The following ABCA8 variants were observed in gnomAD, a reference collection of about 807,000 sequenced individuals.
ABCA8 encodes the protein ABC-type organic anion transporter ABCA8.
ABCA8 carries 177 observed loss-of-function variants against 192.3 expected under a neutral mutation model. That is an observed-to-expected ratio of 0.92 (90% CI 0.81 to 1.04). The LOEUF (loss-of-function observed/expected upper bound fraction) is 1.04, where lower values mean the gene tolerates loss of function less well. Among genes scored for constraint, ABCA8 ranks in the 50% least tolerant of loss-of-function variants. The pLI is 0.00. For missense variants in ABCA8, 1,915 were observed against 1,904.8 expected (o/e 1.01, Z -0.10); for synonymous variants, 642 against 690.2 (o/e 0.93, Z 1.09).
intron 24 of ABCA8, 24 bp from the exon 25 acceptor site, chr17:68,887,530 C>T (rs374946614): frequency 7.0e-6 from 11 of 1,567,694 alleles, no homozygotes; most frequent in South Asian, 3.7e-5. Flanking sequence ...AGCAAAGATA[C>T]AAAGTTTGTG....
At position 68,895,010 on chromosome 17, in the gene ABCA8, G is replaced by T. The variant is rs1189668892; in HGVS notation, c.2768C>A (p.Ala923Glu). The part of the protein sequence containing the change: ...TQLLIINKTG[A>E]SIDDFIQSVE... ...AGACTGTATAAAGTCATCAATGCTT[G>T]CCCCTAAGGTGTAGTTAAAGATATT... The change falls in exon 22 of 40, where the codon GCA becomes GAA. Residue 923 changes from alanine (A) to glutamate (E), a missense_variant. Physicochemically the swap from Ala to Glu is moderately radical, Grantham distance 107. Coordinates refer to ENST00000586539, the MANE Select transcript of ABCA8 (RefSeq NM_001288985.2). The T allele has an allele frequency of 6.3e-7, 1 of 1,598,676 alleles. No homozygotes were observed. Among genetic ancestry groups the T allele is most frequent in the South Asian group, 1.1e-5 (1 of 87,096 alleles).
intron 13 of ABCA8, among the ~76,000 whole-genome samples, chr17:68,920,948 G>C (rs953820961): frequency 1.3e-5 from 2 of 152,092 alleles, no homozygotes; most frequent in Admixed American, 6.6e-5. Flanking sequence ...TTGGAACCAA[G>C]CCAAATGTCC....
At chr17:68,888,466 T>C (rs2066546348) in intron 24 of ABCA8, among the ~76,000 whole-genome samples, 1 of 152,150 alleles carries the variant, frequency 6.6e-6, no homozygotes, top group Admixed American at 6.6e-5. Flanking sequence ...ACCTAAAGAT[T>C]CATATCAGAG....
intron 2 of ABCA8, among the ~76,000 whole-genome samples, chr17:68,947,882 C>T (rs942905714): frequency 6.6e-6 from 1 of 152,052 alleles, no homozygotes; most frequent in Non-Finnish European, 1.5e-5. Context: ...TGTTCTAATG[C>T]CCTTCATCCC....
In ABCA8 at chr17:68,924,364, A is replaced by T. The variant is rs114636820; in HGVS notation, c.1442+337T>A. Among the ~76,000 whole-genome samples the T allele has an allele frequency of 6.0e-3, 898 of 149,672 alleles. 10 individuals carry two copies. The highest frequency in any genetic ancestry group is 0.021 in the African/African-American group (859 of 40,840). The stretch of plus-strand genomic sequence containing the variant: ...TCCGTCAAAAAAAAAAAAAAGGGAG[A>T]TAGATGAGGTGGGGACAAAGAGTGA... On this transcript the variant is annotated intron_variant, in intron 11 of 39. Coordinates refer to ENST00000586539, the MANE Select transcript of ABCA8 (RefSeq NM_001288985.2).
chr17:68,919,280 A>C, intron 14 of ABCA8, 21 bp downstream of exon 14: 1 of 1,578,896 alleles, frequency 6.3e-7, no homozygotes, highest in Non-Finnish European at 8.6e-7. Context: ...CCAACACATT[A>C]ACTTTAACAT....
At position 68,921,476 on chromosome 17, in the gene ABCA8, AATGTCAAATACCAG is replaced by A. The variant is rs1173356495; in HGVS notation, c.1504_1517del (p.Val503ArgfsTer23). The A allele has an allele frequency of 6.2e-7, 1 of 1,602,838 alleles. No homozygotes were observed. Among genetic ancestry groups the A allele is most frequent in the Non-Finnish European group, 8.5e-7 (1 of 1,172,736 alleles). On this transcript the variant is annotated frameshift_variant and splice_region_variant, in exon 13 of 40. Transcript: ENST00000586539. LOFTEE classifies it high-confidence loss of function. ...GTATTGCAGTGATTTGGCCTTCGTA[AATGTCAAATACCAG>A]ATCTAGGAAGAAAAAAAGAAAGGAA...
chr17:68,951,613 C>G (rs374362768), intron 1 of ABCA8, among the ~76,000 whole-genome samples: 10 of 152,268 alleles, frequency 6.6e-5, no homozygotes, highest in African/African-American at 1.9e-4. Context: ...TATTATATCT[C>G]TGTTAGTTTT....
intron 17 of ABCA8, among the ~76,000 whole-genome samples, chr17:68,913,966 G>A (rs2067286238): frequency 6.6e-6 from 1 of 152,028 alleles, no homozygotes. Flanking sequence ...CTTGGTCATG[G>A]TTGGATTTAT....
intron 35 of ABCA8, 35 bp downstream of exon 35, chr17:68,876,425 T>C (rs750102099): frequency 2.0e-5 from 32 of 1,613,502 alleles, no homozygotes; most frequent in Non-Finnish European, 2.6e-5. Flanking sequence ...ATGCAAGTCA[T>C]CCGTGCTGTC....
In ABCA8 at chr17:68,894,213, G is replaced by C. The variant is rs1386328078; in HGVS notation, c.2996C>G (p.Pro999Arg). ...TCTTTCAGTTCGGATATGTACTGAT[G>C]GTTTAACCATTCCAAGTAGCCCATT... is the stretch of plus-strand genomic sequence containing the variant. ...VSNGLLGMVK[P>R]SVHIRTERST... The change falls in exon 23 of 40, where the codon CCA (proline) becomes CGA (arginine). Residue 999 changes from proline to arginine, a missense_variant. Physicochemically the swap from Pro to Arg is moderately radical, Grantham distance 103 (BLOSUM62 -2). Transcript: ENST00000586539. The C allele has an allele frequency of 6.2e-7, 1 of 1,613,218 alleles. No individual in the cohort carries two copies. The highest frequency in any genetic ancestry group is 8.5e-7 in the Non-Finnish European group (1 of 1,179,650).
chr17:68,896,516 T>C (rs2066762844), intron 21 of ABCA8, among the ~76,000 whole-genome samples: 1 of 152,198 alleles, frequency 6.6e-6, no homozygotes, highest in African/African-American at 2.4e-5. Context: ...GGATGAAATC[T>C]CGTATCGTCC....
Position 68,868,369 on chromosome 17 carries a change from G to T in ABCA8, c.4712-13C>A. 6.2e-7 allele frequency: 1 copy of T among 1,606,978 alleles called. No individual in the cohort carries two copies. Among genetic ancestry groups the T allele is most frequent in the South Asian group, 1.1e-5 (1 of 90,894 alleles). ...AAGCTCTGTTTAACTGCATAGGGAT[G>T]AACATGTATTAGTTCATATATTTCA... is the stretch of plus-strand genomic sequence containing the variant. On this transcript the variant is annotated splice_polypyrimidine_tract_variant and intron_variant, in intron 38 of 39. Transcript: ENST00000586539.
chr17:68,924,689 C>T lies in ABCA8; in HGVS notation c.1442+12G>A, dbSNP rs1386019046. 11 of 1,608,882 alleles carry T rather than the reference C, an allele frequency of 6.8e-6. No individual in the cohort carries two copies. Among genetic ancestry groups the T allele is most frequent in the Admixed American group, 6.8e-5 (4 of 58,852 alleles). ...GCCTTTTTGCCCTGTTCTCCACCTG[C>T]AGCCTTATTACCTGATGGCTTCTTT... On this transcript the variant is annotated intron_variant, in intron 11 of 39. Transcript: ENST00000586539.
rs145031935 is a variant in ABCA8 at position 68,893,138 on chromosome 17, C to T, written c.3036+1035G>A. On this transcript the variant is annotated intron_variant, in intron 23 of 39. Coordinates refer to ENST00000586539, the MANE Select transcript of ABCA8 (RefSeq NM_001288985.2). ...TAGATAAGTTGATGAGCCTAACACT[C>T]ACTTATGTATTTAACAATTAAGTTG... is the stretch of plus-strand genomic sequence containing the variant. Among the ~76,000 whole-genome samples, 3 of 152,268 alleles carry T rather than the reference C, an allele frequency of 2.0e-5. No homozygotes were observed. In the East Asian group the frequency reaches 5.8e-4, roughly 29 times the overall value.
chr17:68,938,800 G>A (rs1223136290), intron 4 of ABCA8, among the ~76,000 whole-genome samples: 3 of 152,132 alleles, frequency 2.0e-5, no homozygotes. Flanking sequence ...TAGTCTGACT[G>A]TTCCTGTACT....
At chr17:68,875,506 AC>A (rs751687880) in intron 36 of ABCA8, 106 bp from the exon 37 acceptor site, 526 of 1,590,160 alleles carry the variant, frequency 3.3e-4, no homozygotes, top group Non-Finnish European at 4.3e-4. Flanking sequence ...CTATTGTTAG[AC>A]CTGGGCACAG....
intron 5 of ABCA8, among the ~76,000 whole-genome samples, chr17:68,935,262 T>TTGTGTGTGTGTGTGTGTGTGTGTGTG (rs71144641): frequency 0.01 from 1,380 of 135,962 alleles, 31 homozygotes; most frequent in African/African-American, 0.037. Context: ...GCCTGGCTAA[T>TTGTGTGTGTGTGTGTGTGTGTGTGTG]TGTGTGTGTG....
chr17:68,940,377 A>C (rs1336804768), intron 4 of ABCA8, among the ~76,000 whole-genome samples: 1 of 152,142 alleles, frequency 6.6e-6, no homozygotes, highest in Non-Finnish European at 1.5e-5. Flanking sequence ...AGAACAAGAA[A>C]ACACTACAGC....
Sources: allele counts gnomAD v4.1 joint callset (sites outside exome capture counted in the v4.1 genomes callset), GRCh38; gene constraint gnomAD v4.1.1; transcripts MANE v1.5; gene names NCBI Gene and HGNC (gene_info 2026-07-23, HGNC 2026-07-21).